Variants in KSR2 observed in about 807,000 individuals in gnomAD.
The protein encoded by KSR2 is kinase suppressor of ras 2.
KSR2 carries 25 observed loss-of-function variants against 107.8 expected under a neutral mutation model. The ratio of observed to expected loss-of-function variants is 0.23; its 90% CI spans 0.17 to 0.32. The LOEUF (loss-of-function observed/expected upper bound fraction) is 0.32. KSR2 is among the 10% of genes least tolerant of loss of function. The probability of loss-of-function intolerance (pLI) is 1.00; values close to 1 mark genes in which losing one functional copy is unlikely to be tolerated. For missense variants in KSR2, 887 were observed against 1,268.9 expected (o/e 0.70, Z 4.57); for synonymous variants, 480 against 507.0 (o/e 0.95, Z 0.71).
chr12:117,847,590 C>T (rs1015622827), intron 3 of KSR2, among the ~76,000 whole-genome samples: 2 of 152,186 alleles, frequency 1.3e-5, no homozygotes, highest in Non-Finnish European at 2.9e-5. Context: ...ACTCTGCAGC[C>T]AGAGTGTTAT....
chr12:117,697,663 C>A (rs991992077), intron 4 of KSR2, among the ~76,000 whole-genome samples: 2 of 151,374 alleles, frequency 1.3e-5, no homozygotes, highest in Admixed American at 6.6e-5. Flanking sequence ...TCGCTTGAAC[C>A]CAGGAGGCGG....
intron 1 of KSR2, among the ~76,000 whole-genome samples, chr12:117,911,092 T>C (rs1894994911): frequency 6.6e-6 from 1 of 152,142 alleles, no homozygotes; most frequent in African/African-American, 2.4e-5. Context: ...TTAAACCTTA[T>C]CTATGGTAGA....
At chr12:117,617,499 T>C (rs1881953555) in intron 5 of KSR2, among the ~76,000 whole-genome samples, 1 of 152,182 alleles carries the variant, frequency 6.6e-6, no homozygotes, top group Non-Finnish European at 1.5e-5. Context: ...TGTCTTATAA[T>C]AAAATACAGC....
intron 7 of KSR2, among the ~76,000 whole-genome samples, chr12:117,566,351 C>T (rs1217852063): frequency 6.6e-6 from 1 of 152,190 alleles, no homozygotes; most frequent in East Asian, 1.9e-4. Context: ...AACTCCTGAC[C>T]TCACGTGATC....
intron 5 of KSR2, among the ~76,000 whole-genome samples, chr12:117,616,661 G>A (rs1011858603): frequency 1.1e-4 from 16 of 152,282 alleles, no homozygotes; most frequent in Admixed American, 8.5e-4. Context: ...CACACTGTGA[G>A]GTTGGATGAG....
At chr12:117,589,023 A>G (rs1880167315) in intron 5 of KSR2, among the ~76,000 whole-genome samples, 1 of 152,224 alleles carries the variant, frequency 6.6e-6, no homozygotes, top group African/African-American at 2.4e-5. Flanking sequence ...AAGGATAACT[A>G]AATTGTTCAA....
At chr12:117,576,017 A>AC (rs575348368) in intron 7 of KSR2, among the ~76,000 whole-genome samples, 28 of 150,786 alleles carry the variant, frequency 1.9e-4, no homozygotes, top group Admixed American at 4.6e-4. Flanking sequence ...CTTGAAGCTT[A>AC]CCCCCCCACC....
At chr12:117,582,016 T>C (rs1243587626) in intron 6 of KSR2, among the ~76,000 whole-genome samples, 1 of 152,234 alleles carries the variant, frequency 6.6e-6, no homozygotes, top group Non-Finnish European at 1.5e-5. Context: ...AAAGCTTTAC[T>C]AGCTGGGATT....
chr12:117,468,121 C>A (rs1386101300), intron 19 of KSR2, among the ~76,000 whole-genome samples: 1 of 152,208 alleles, frequency 6.6e-6, no homozygotes, highest in African/African-American at 2.4e-5. Context: ...TTCCTTCTGT[C>A]TGTTTTCATA....
chr12:117,680,403 T>C (rs1370818576), intron 4 of KSR2, among the ~76,000 whole-genome samples: 1 of 152,216 alleles, frequency 6.6e-6, no homozygotes, highest in African/African-American at 2.4e-5. Flanking sequence ...TAGTGGCTAC[T>C]GCACCGGACA....
intron 19 of KSR2, chr12:117,467,932 T>TTC (rs1871240451): frequency 5.5e-6 from 2 of 362,312 alleles, no homozygotes; most frequent in Non-Finnish European, 1.0e-5. Context: ...TTTTTTTTTT[T>TTC]TTTCCAGCCC....
At chr12:117,757,322 T>C (rs1390013562) in intron 4 of KSR2, among the ~76,000 whole-genome samples, 1 of 152,218 alleles carries the variant, frequency 6.6e-6, no homozygotes, top group Non-Finnish European at 1.5e-5. Flanking sequence ...AAAACTTAAA[T>C]AGACAAGGAG....
At chr12:117,947,205 A>AAAGACAG (rs58567161) in intron 1 of KSR2, among the ~76,000 whole-genome samples, 1 of 69,242 alleles carries the variant, frequency 1.4e-5, no homozygotes, top group African/African-American at 6.9e-5. Context: ...GAAAAGAAAG[A>AAAGACAG]AAAGAAAGAA....
At chr12:117,621,352 G>C (rs1178545436) in intron 5 of KSR2, among the ~76,000 whole-genome samples, 1 of 152,086 alleles carries the variant, frequency 6.6e-6, no homozygotes, top group East Asian at 1.9e-4. Flanking sequence ...ATTTACAGCA[G>C]TGTGAAAATG....
chr12:117,847,372 T>C (rs890889968), intron 3 of KSR2, among the ~76,000 whole-genome samples: 1 of 152,204 alleles, frequency 6.6e-6, no homozygotes, highest in African/African-American at 2.4e-5. Context: ...CTCTGCATCC[T>C]GTTTTTCTCC....
At chr12:117,545,226 T>A (rs762526167) in intron 9 of KSR2, among the ~76,000 whole-genome samples, 2 of 152,302 alleles carry the variant, frequency 1.3e-5, no homozygotes, top group Non-Finnish European at 2.9e-5. Flanking sequence ...TGTTAAGAAT[T>A]TTCGCATCTA....
intron 1 of KSR2, among the ~76,000 whole-genome samples, chr12:117,889,174 C>T (rs1318709942): frequency 1.3e-5 from 2 of 152,122 alleles, no homozygotes; most frequent in African/African-American, 2.4e-5. Flanking sequence ...GCCCCTTCCG[C>T]AGCTCAGATG....
At chr12:117,871,595 CA>C (rs139592636) in intron 1 of KSR2, among the ~76,000 whole-genome samples, 4,803 of 121,132 alleles carry the variant, frequency 0.04, 183 homozygotes, top group East Asian at 0.23. Context: ...GACCCTGTCT[CA>C]AAAAAAAAAA....
In KSR2 at chr12:117,968,312, G is replaced by GC. The variant is rs1896860952; in HGVS notation, c.-58_-57insG. 2.8e-6 allele frequency: 4 copies of GC among 1,453,450 alleles called. No homozygotes were observed. The South Asian group carries it at 4.3e-5, about 16-fold the overall frequency. The allele number at this position is 1,453,450 out of a possible 1,614,324, so 90.0% of individuals were successfully genotyped here. ...TCCTCCCAGAGAGAAAAAAGAGGGG[G>GC]GGGAGTAGAGGTAGTCTACCCTCCG... On this transcript the variant is annotated 5_prime_UTR_variant, in exon 1 of 20. Coordinates refer to ENST00000339824, the MANE Select transcript of KSR2 (RefSeq NM_173598.6).
Sources: gnomAD v4.1 joint callset for allele counts (sites outside exome capture counted in the v4.1 genomes callset) on GRCh38, gnomAD v4.1.1 for gene constraint, MANE v1.5 for transcripts, NCBI Gene and HGNC (gene_info 2026-07-23, HGNC 2026-07-21) for gene names.